Variants in SLC44A1 observed in about 807,000 individuals in gnomAD.
The protein encoded by SLC44A1 is choline transporter-like protein 1.
In SLC44A1, 26 loss-of-function variants were observed where a neutral mutation model predicts 79.3. The ratio of observed to expected loss-of-function variants is 0.33; its 90% CI spans 0.24 to 0.46. The LOEUF (loss-of-function observed/expected upper bound fraction) is 0.46, where lower values mean the gene tolerates loss of function less well. Among genes scored for constraint, SLC44A1 ranks in the 20% least tolerant of loss-of-function variants. The pLI, the probability that SLC44A1 is intolerant of heterozygous loss-of-function variation, is 1.00. For missense variants in SLC44A1, 688 were observed against 798.1 expected, an observed-to-expected ratio of 0.86 and a Z score of 1.66; for synonymous variants, 263 against 286.2, an observed-to-expected ratio of 0.92 and a Z score of 0.82.
chr9:105,357,303 T>G (rs1431888478), intron 6 of SLC44A1: 6 of 152,208 alleles, frequency 3.9e-5, no homozygotes, highest in African/African-American at 1.4e-4. Context: ...AACCATTTAT[T>G]TGGCTTTGCA....
intron 4 of SLC44A1, 73 bp downstream of exon 4, chr9:105,335,772 G>C: frequency 7.2e-7 from 1 of 1,385,100 alleles, no homozygotes; most frequent in South Asian, 1.5e-5. Flanking sequence ...TTGCCCTAGT[G>C]TTAAATAAAT....
intron 2 of SLC44A1, chr9:105,299,931 G>A: frequency 1.0e-6 from 1 of 985,534 alleles, no homozygotes; most frequent in Non-Finnish European, 1.2e-6. Flanking sequence ...AGAGTTGCTG[G>A]TATAAGGTAT....
At chr9:105,345,983 A>G (rs1446565180) in intron 4 of SLC44A1, among the ~76,000 whole-genome samples, 1 of 148,180 alleles carries the variant, frequency 6.7e-6, no homozygotes, top group Non-Finnish European at 1.5e-5. Flanking sequence ...TATTTTTTAT[A>G]CTTTCACTGA....
intron 9 of SLC44A1, 113 bp downstream of exon 9, chr9:105,363,120 A>G (rs1827831954): frequency 1.2e-6 from 1 of 819,470 alleles, no homozygotes; most frequent in Non-Finnish European, 1.9e-6. Context: ...TCCAATAGCC[A>G]TCAGAACTTG....
At chr9:105,387,054 A>ATAT (rs1288535198) in intron 15 of SLC44A1, among the ~76,000 whole-genome samples, 1 of 1,824 alleles carries the variant, frequency 5.5e-4, no homozygotes, top group African/African-American at 7.4e-4. Flanking sequence ...AAAAAAAAAA[A>ATAT]AAAAAAATAT....
Position 105,389,261 on chromosome 9 carries a change from CAT to C in SLC44A1, c.*206_*207del, listed in dbSNP as rs1237594190. ...CTTTTTTATGCTTATTTTTGTCAAA[CAT>C]GTACTCCTTTCATACGGGTGGCTTT... On this transcript the variant is annotated 3_prime_UTR_variant, in exon 16 of 16. Transcript: ENST00000374720. 6 of 1,248,558 alleles carry C rather than the reference CAT, an allele frequency of 4.8e-6. No homozygotes were observed. The highest frequency in any genetic ancestry group is 3.1e-4 in the Middle Eastern group (1 of 3,214). 77.3% of individuals were successfully genotyped at this position (1,248,558 alleles called of 1,614,324 possible). A position where few individuals can be genotyped will look rare whatever the true frequency, so the allele number is the denominator to read the frequency against.
chr9:105,271,212 T>G (rs1056404280), intron 1 of SLC44A1, among the ~76,000 whole-genome samples: 1 of 152,222 alleles, frequency 6.6e-6, no homozygotes, highest in Non-Finnish European at 1.5e-5. Flanking sequence ...TCTCACCTCT[T>G]GGATTCCTGC....
intron 2 of SLC44A1, among the ~76,000 whole-genome samples, chr9:105,307,183 G>A (rs570348337): frequency 1.2e-4 from 19 of 152,158 alleles, no homozygotes; most frequent in South Asian, 4.1e-4. Context: ...ATTAGGCTGT[G>A]AAATAGATGG....
intron 1 of SLC44A1, among the ~76,000 whole-genome samples, chr9:105,276,900 ATAT>A (rs1830218982): frequency 6.6e-6 from 1 of 152,132 alleles, no homozygotes; most frequent in African/African-American, 2.4e-5. Context: ...TGACAGGAAG[ATAT>A]TATGGGGTTT....
chr9:105,414,522 T>C (rs1198638792), intron 15 of SLC44A1, among the ~76,000 whole-genome samples: 2 of 152,180 alleles, frequency 1.3e-5, no homozygotes, highest in East Asian at 1.9e-4. Context: ...AATTTATCCC[T>C]TTTTTTACGA....
chr9:105,414,680 C>T (rs779107240), intron 15 of SLC44A1, among the ~76,000 whole-genome samples: 1 of 152,078 alleles, frequency 6.6e-6, no homozygotes, highest in Non-Finnish European at 1.5e-5. Context: ...AACTGCAGTG[C>T]CAGCTACTCA....
At chr9:105,275,832 T>C (rs1191172357) in intron 1 of SLC44A1, among the ~76,000 whole-genome samples, 1 of 151,022 alleles carries the variant, frequency 6.6e-6, no homozygotes, top group Non-Finnish European at 1.5e-5. Flanking sequence ...TGAGACGGAG[T>C]GCCGCTCTGT....
At chr9:105,301,998 T>C (rs963127575) in intron 2 of SLC44A1, among the ~76,000 whole-genome samples, 2 of 152,232 alleles carry the variant, frequency 1.3e-5, no homozygotes, top group African/African-American at 4.8e-5. Flanking sequence ...TTGTCATCTT[T>C]CACTCATCTC....
intron 1 of SLC44A1, among the ~76,000 whole-genome samples, chr9:105,297,138 C>T (rs1830745234): frequency 6.6e-6 from 1 of 151,974 alleles, no homozygotes; most frequent in Non-Finnish European, 1.5e-5. Context: ...CTTTTGTTTT[C>T]TGTGTGGGTG....
chr9:105,420,832 GC>G (rs1426731816), intron 15 of SLC44A1, among the ~76,000 whole-genome samples: 2 of 126,642 alleles, frequency 1.6e-5, no homozygotes, highest in Non-Finnish European at 3.1e-5. Flanking sequence ...TTGCACTCCA[GC>G]CTGGGCAACA....
intron 15 of SLC44A1, among the ~76,000 whole-genome samples, chr9:105,411,555 T>TG (rs1167199690): frequency 2.6e-4 from 40 of 152,140 alleles, no homozygotes; most frequent in African/African-American, 9.6e-4. Flanking sequence ...AAAAAGCTTT[T>TG]TTTTTTTCTG....
chr9:105,358,552 T>C (rs1347407601), intron 7 of SLC44A1, 119 bp downstream of exon 7: 2 of 656,504 alleles, frequency 3.0e-6, no homozygotes, highest in African/African-American at 3.7e-5. Context: ...GGAAGACTGT[T>C]AATTTTTGCC....
At chr9:105,329,533 T>G (rs536971709) in intron 3 of SLC44A1, among the ~76,000 whole-genome samples, 1 of 152,262 alleles carries the variant, frequency 6.6e-6, no homozygotes, top group South Asian at 2.1e-4. Flanking sequence ...GCGCTGCTGT[T>G]CCCCAGCCAT....
chr9:105,291,185 C>T (rs540848814), intron 1 of SLC44A1, among the ~76,000 whole-genome samples: 1 of 152,192 alleles, frequency 6.6e-6, no homozygotes, highest in South Asian at 2.1e-4. Flanking sequence ...TATACATCAG[C>T]TCTTTTATTT....
Sources: allele counts gnomAD v4.1 joint callset (sites outside exome capture counted in the v4.1 genomes callset), GRCh38; gene constraint gnomAD v4.1.1; transcripts MANE v1.5; gene names NCBI Gene and HGNC (gene_info 2026-07-23, HGNC 2026-07-21).